The following CRTC1 variants were observed in gnomAD, a reference collection of about 807,000 sequenced individuals.
CRTC1 encodes CREB regulated transcription coactivator 1, also known as CREB-regulated transcription coactivator 1.
CRTC1 carries 18 observed loss-of-function variants against 66.1 expected under a neutral mutation model. The observed-to-expected ratio is 0.27, with a 90% CI of 0.19 to 0.40. CRTC1 has a LOEUF of 0.40. Ranked by LOEUF, CRTC1 falls within the 10% of genes least tolerant of loss-of-function variation. The pLI, the probability that CRTC1 is intolerant of heterozygous loss-of-function variation, is 1.00. For missense variants in CRTC1, 669 were observed against 887.9 expected (o/e 0.75, Z 3.13); for synonymous variants, 416 against 398.8 (o/e 1.04, Z -0.51).
chr19:18,699,275 T>C (rs1220736976), intron 1 of CRTC1, among the ~76,000 whole-genome samples: 1 of 152,074 alleles, frequency 6.6e-6, no homozygotes, highest in East Asian at 1.9e-4. Context: ...TCTCAATACC[T>C]CCATCTGGGA....
chr19:18,720,535 T>G (rs1361640072), intron 1 of CRTC1, among the ~76,000 whole-genome samples: 7 of 149,250 alleles, frequency 4.7e-5, no homozygotes, highest in East Asian at 3.9e-4. Flanking sequence ...GTTTTTTTTT[T>G]TTTTTTTTTT....
intron 1 of CRTC1, among the ~76,000 whole-genome samples, chr19:18,710,895 T>C (rs2145581109): frequency 1.3e-5 from 2 of 152,198 alleles, no homozygotes; most frequent in Middle Eastern, 6.8e-3. Flanking sequence ...GGATTACAGG[T>C]GTGAACCACC....
chr19:18,687,011 CTTTTT>C (rs35032428), intron 1 of CRTC1, among the ~76,000 whole-genome samples: 2,015 of 103,414 alleles, frequency 0.019, 19 homozygotes, highest in South Asian at 0.05. Context: ...GACTGAGAAA[CTTTTT>C]TTTTTTTTTT....
chr19:18,746,870 G>A (rs537808134), intron 3 of CRTC1, among the ~76,000 whole-genome samples, 183 bp from the exon 4 acceptor site: 1 of 152,294 alleles, frequency 6.6e-6, no homozygotes, highest in Non-Finnish European at 1.5e-5. Flanking sequence ...CCCCTGGAAC[G>A]GGGGCTGCTT....
At position 18,780,891 on chromosome 19, in the gene CRTC1, G is replaced by C. The variant is rs968567351; in HGVS notation, c.*3509G>C. The C allele has an allele frequency of 9.0e-6, 2 of 221,992 alleles. No homozygotes were observed. Among genetic ancestry groups the C allele is most frequent in the African/African-American group, 4.5e-5 (2 of 44,678 alleles). 13.8% of individuals were successfully genotyped at this position (221,992 alleles called of 1,614,324 possible). A position where few individuals can be genotyped will look rare whatever the true frequency, so the allele number is the denominator to read the frequency against. The stretch of plus-strand genomic sequence containing the variant: ...AGAGGGGGCTCTGGTGCCTCCCTTA[G>C]GTGGGCCTTGAGCTGGTTTTTAACC... On this transcript the variant is annotated 3_prime_UTR_variant, in exon 14 of 14. Coordinates refer to ENST00000321949, the MANE Select transcript of CRTC1 (RefSeq NM_015321.3).
At chr19:18,707,900 T>C (rs1238626052) in intron 1 of CRTC1, among the ~76,000 whole-genome samples, 1 of 152,190 alleles carries the variant, frequency 6.6e-6, no homozygotes, top group African/African-American at 2.4e-5. Flanking sequence ...GGCAAGCCCA[T>C]AATTGGCCCC....
chr19:18,750,711 G>GGAGGAA (rs1465068193), intron 5 of CRTC1, among the ~76,000 whole-genome samples: 1 of 152,222 alleles, frequency 6.6e-6, no homozygotes, highest in Non-Finnish European at 1.5e-5. Flanking sequence ...GCTGATAGGA[G>GGAGGAA]GAGGAAGAGG....
intron 1 of CRTC1, among the ~76,000 whole-genome samples, chr19:18,733,384 CA>C (rs1197189217): frequency 4.6e-5 from 7 of 152,232 alleles, no homozygotes; most frequent in African/African-American, 1.7e-4. Context: ...ACAAGAGAAA[CA>C]AAACGTGCTC....
chr19:18,726,051 G>A (rs2053744763), intron 1 of CRTC1, among the ~76,000 whole-genome samples: 1 of 152,218 alleles, frequency 6.6e-6, no homozygotes, highest in Admixed American at 6.5e-5. Context: ...CTCTGGAGTT[G>A]AGGCCGGGCC....
intron 1 of CRTC1, among the ~76,000 whole-genome samples, chr19:18,720,790 C>T (rs992692927): frequency 1.3e-5 from 2 of 152,164 alleles, no homozygotes; most frequent in Non-Finnish European, 2.9e-5. Context: ...GTGTGAGCTG[C>T]TGCACCCGGC....
At chr19:18,746,248 A>AG (rs1385102994) in intron 3 of CRTC1, among the ~76,000 whole-genome samples, 10 of 152,266 alleles carry the variant, frequency 6.6e-5, no homozygotes, top group African/African-American at 2.4e-4. Context: ...CAGAGGGCTT[A>AG]GACACCTGGC....
chr19:18,765,922 C>G (rs1476289236), intron 9 of CRTC1, among the ~76,000 whole-genome samples: 1 of 151,978 alleles, frequency 6.6e-6, no homozygotes, highest in Non-Finnish European at 1.5e-5. Context: ...GATCACACCA[C>G]TGCACTCTAC....
chr19:18,722,196 G>A (rs1006004312), intron 1 of CRTC1, among the ~76,000 whole-genome samples: 6 of 152,282 alleles, frequency 3.9e-5, no homozygotes, highest in Middle Eastern at 3.4e-3. Flanking sequence ...AATGGGAGAC[G>A]AGAAAACATG....
chr19:18,767,961 T>C lies in CRTC1; in HGVS notation c.1012-524T>C, dbSNP rs538987514. 4.4e-4 allele frequency among the ~76,000 whole-genome samples: 67 copies of C among 152,342 alleles called. 1 individual carries two copies. Among genetic ancestry groups the C allele is most frequent in the African/African-American group, 1.3e-3 (56 of 41,578 alleles). ...GTGAACGTCACACACTTCCCTCTTA[T>C]TGATTTTCCTCTTTCCAGCTCTGCG... On this transcript the variant is annotated intron_variant, in intron 9 of 13. Coordinates refer to ENST00000321949, the MANE Select transcript of CRTC1 (RefSeq NM_015321.3).
chr19:18,754,008 G>A (rs1330186206), intron 6 of CRTC1, among the ~76,000 whole-genome samples: 3 of 152,004 alleles, frequency 2.0e-5, no homozygotes, highest in African/African-American at 7.3e-5. Flanking sequence ...GACTGAGGTG[G>A]GAGAATCGTT....
At chr19:18,748,711 A>AG (rs2054299693) in intron 4 of CRTC1, among the ~76,000 whole-genome samples, 1 of 150,576 alleles carries the variant, frequency 6.6e-6, no homozygotes, top group African/African-American at 2.4e-5. Flanking sequence ...AAAAAAAAAA[A>AG]AGAAAAACCA....
chr19:18,715,290 C>T (rs1285780999), intron 1 of CRTC1, among the ~76,000 whole-genome samples: 4 of 152,028 alleles, frequency 2.6e-5, no homozygotes, highest in African/African-American at 9.7e-5. Flanking sequence ...TGCAGTGGTG[C>T]GATCTCGGCT....
chr19:18,733,068 T>C (rs1276609651), intron 1 of CRTC1, among the ~76,000 whole-genome samples: 1 of 150,316 alleles, frequency 6.7e-6, no homozygotes, highest in African/African-American at 2.5e-5. Flanking sequence ...GCCTGGGCAA[T>C]AGGGCAAGAC....
chr19:18,713,804 C>T (rs980947997), intron 1 of CRTC1, among the ~76,000 whole-genome samples: 2 of 152,242 alleles, frequency 1.3e-5, no homozygotes, highest in Non-Finnish European at 2.9e-5. Context: ...CCCAGCTGCA[C>T]GCGCGGGGAG....
Sources: allele counts gnomAD v4.1 joint callset (sites outside exome capture counted in the v4.1 genomes callset), GRCh38; gene constraint gnomAD v4.1.1; transcripts MANE v1.5; gene names NCBI Gene and HGNC (gene_info 2026-07-23, HGNC 2026-07-21).